The following NLGN4X variants were observed in gnomAD, a reference collection of about 807,000 sequenced individuals.
The protein encoded by NLGN4X is neuroligin-4, X-linked.
In NLGN4X, 3 loss-of-function variants were observed where a neutral mutation model predicts 40.3. The observed-to-expected ratio is 0.07, with a 90% confidence interval of 0.03 to 0.19. NLGN4X has a LOEUF of 0.19. NLGN4X is among the 10% of genes least tolerant of loss of function. The pLI, the probability that NLGN4X is intolerant of heterozygous loss-of-function variation, is 1.00. For missense variants in NLGN4X, 382 were observed against 708.3 expected (o/e 0.54, Z 5.23); for synonymous variants, 270 against 306.8 (o/e 0.88, Z 1.25).
chrX:6,035,951 A>C (rs2036991511), intron 2 of NLGN4X, among the ~76,000 whole-genome samples: 1 of 112,191 alleles, frequency 8.9e-6, no homozygotes, highest in Non-Finnish European at 1.9e-5. Context: ...TTAGCTGTTT[A>C]TGTTATTGGT....
In NLGN4X at chrX:6,213,718, T is replaced by A. The variant is rs750876204; in HGVS notation, c.-306+14823A>T. 2.7e-5 allele frequency among the ~76,000 whole-genome samples: 3 copies of A among 112,396 alleles called. No individual in the cohort carries two copies. In the South Asian group the frequency reaches 1.1e-3, roughly 41 times the overall value. On this transcript the variant is annotated intron_variant, in intron 1 of 5. Transcript: ENST00000381095. ...TGTAAAAGTAGTCAATGTGTAAGAA[T>A]CAAAGAGTCAGAATTATCATCTCAG... is the stretch of plus-strand genomic sequence containing the variant.
intron 3 of NLGN4X, among the ~76,000 whole-genome samples, chrX:6,024,280 C>T (rs1033413170): frequency 1.8e-5 from 2 of 111,609 alleles, no homozygotes; most frequent in Non-Finnish European, 1.9e-5. Flanking sequence ...TGCCCTGGCA[C>T]GTACAGCTCA....
At chrX:6,086,183 T>C (rs1033040536) in intron 2 of NLGN4X, among the ~76,000 whole-genome samples, 3 of 111,975 alleles carry the variant, frequency 2.7e-5, no homozygotes, top group Non-Finnish European at 3.8e-5. Context: ...CTGCATAGCT[T>C]TGGAAAAGAA....
chrX:6,069,169 T>C (rs1457965460), intron 2 of NLGN4X, among the ~76,000 whole-genome samples: 2 of 109,483 alleles, frequency 1.8e-5, no homozygotes, highest in East Asian at 5.8e-4. Context: ...GTGCCTGTAG[T>C]CCCAGCTACT....
At chrX:6,147,073 T>C (rs1182248495) in intron 2 of NLGN4X, among the ~76,000 whole-genome samples, 1 of 112,344 alleles carries the variant, frequency 8.9e-6, no homozygotes, top group East Asian at 2.8e-4. Context: ...ATTAGAGGCA[T>C]GAGCCACTGT....
chrX:6,144,515 G>A (rs1335410368), intron 2 of NLGN4X, among the ~76,000 whole-genome samples: 1 of 111,486 alleles, frequency 9.0e-6, no homozygotes, highest in Non-Finnish European at 1.9e-5. Flanking sequence ...CTAGAATCAA[G>A]GTATCAGGAG....
intron 2 of NLGN4X, among the ~76,000 whole-genome samples, chrX:6,055,511 T>C (rs375509003): frequency 2.9e-3 from 317 of 110,978 alleles, no homozygotes; most frequent in African/African-American, 9.9e-3. Flanking sequence ...TGGGGGGGCT[T>C]ACAAAACTAC....
intron 1 of NLGN4X, among the ~76,000 whole-genome samples, chrX:6,190,409 A>G (rs989383236): frequency 2.7e-5 from 3 of 112,321 alleles, no homozygotes; most frequent in African/African-American, 9.7e-5. Flanking sequence ...ATTCAAATTG[A>G]TAAGAAAATT....
chrX:6,161,273 CT>C (rs1185238910), intron 1 of NLGN4X, among the ~76,000 whole-genome samples: 1 of 57,199 alleles, frequency 1.7e-5, no homozygotes, highest in African/African-American at 8.3e-5. Flanking sequence ...ATATATTATT[CT>C]ATATATTATA....
At chrX:6,120,151 G>A (rs1174864337) in intron 2 of NLGN4X, among the ~76,000 whole-genome samples, 4 of 110,846 alleles carry the variant, frequency 3.6e-5, no homozygotes, top group Non-Finnish European at 7.5e-5. Flanking sequence ...CTCAGCCTGG[G>A]CAATTCTGAT....
In NLGN4X at chrX:5,892,967, C is replaced by T. The variant is rs773004622; in HGVS notation, c.2301G>A (p.Ser767=). ...PPDYTLTLRR[S]PDDIPLMTPN... is the part of the protein sequence containing the mutation. ...GCGTCATAAGTGGGATGTCATCTGG[C>T]GACCGGCGCAGCGTGAGGGTGTAGT... The change falls in exon 6 of 6, where the codon TCG becomes TCA. Residue 767 remains serine (S), a synonymous_variant. Coordinates refer to ENST00000381095, the MANE Select transcript of NLGN4X (RefSeq NM_181332.3). 6.6e-6 allele frequency: 8 copies of T among 1,209,344 alleles called. No homozygotes were observed. Among genetic ancestry groups the T allele is most frequent in the South Asian group, 1.8e-5 (1 of 56,747 alleles).
chrX:6,042,754 T>G (rs2037209400), intron 2 of NLGN4X, among the ~76,000 whole-genome samples: 1 of 78,374 alleles, frequency 1.3e-5, no homozygotes, highest in Non-Finnish European at 2.4e-5. Context: ...CACATATCTA[T>G]ACATATAACT....
intron 2 of NLGN4X, among the ~76,000 whole-genome samples, chrX:6,132,372 C>T (rs1431492791): frequency 9.0e-6 from 1 of 111,466 alleles, no homozygotes; most frequent in African/African-American, 3.3e-5. Flanking sequence ...AAAACGATTA[C>T]ACATGCACAA....
chrX:6,217,360 ACTT>A (rs1409889012), intron 1 of NLGN4X, among the ~76,000 whole-genome samples: 1 of 112,026 alleles, frequency 8.9e-6, no homozygotes, highest in Non-Finnish European at 1.9e-5. Flanking sequence ...TAGACACATA[ACTT>A]CTTGTGTAAT....
chrX:6,128,923 T>G (rs1456530148), intron 2 of NLGN4X, among the ~76,000 whole-genome samples: 1 of 112,024 alleles, frequency 8.9e-6, no homozygotes, highest in Admixed American at 9.5e-5. Flanking sequence ...TGGATAAAAT[T>G]CCTTGAAGTG....
At chrX:6,170,384 C>A (rs2040581212) in intron 1 of NLGN4X, among the ~76,000 whole-genome samples, 1 of 112,454 alleles carries the variant, frequency 8.9e-6, no homozygotes, top group African/African-American at 3.2e-5. Flanking sequence ...GCAGACCGAG[C>A]AAGTCAGAAT....
chrX:5,917,334 T>C (rs974800045), intron 3 of NLGN4X, among the ~76,000 whole-genome samples: 8 of 112,650 alleles, frequency 7.1e-5, no homozygotes, highest in Non-Finnish European at 1.5e-4. Context: ...TCTACCAATG[T>C]GGGCCCCTTT....
At chrX:6,075,792 A>G (rs2038180192) in intron 2 of NLGN4X, among the ~76,000 whole-genome samples, 1 of 111,189 alleles carries the variant, frequency 9.0e-6, no homozygotes, top group Non-Finnish European at 1.9e-5. Flanking sequence ...GCTTCCTGAC[A>G]CCCTCACCAG....
intron 2 of NLGN4X, among the ~76,000 whole-genome samples, chrX:6,124,797 C>T (rs376547194): frequency 1.4e-4 from 16 of 112,134 alleles, no homozygotes; most frequent in Admixed American, 1.3e-3. Flanking sequence ...CACATATACA[C>T]GTATATCTGT....
Sources: gnomAD v4.1 joint callset for allele counts (sites outside exome capture counted in the v4.1 genomes callset) on GRCh38, gnomAD v4.1.1 for gene constraint, MANE v1.5 for transcripts, NCBI Gene and HGNC (gene_info 2026-07-23, HGNC 2026-07-21) for gene names.